The following LGSN variants were observed in gnomAD, a reference collection of about 807,000 sequenced individuals.
The protein encoded by LGSN is lengsin.
In LGSN, 21 loss-of-function variants were observed where a neutral mutation model predicts 19.5. The observed-to-expected ratio is 1.07, with a 90% CI of 0.76 to 1.55. LGSN has a LOEUF of 1.55. Ranked by LOEUF, LGSN falls within the 40% of genes most tolerant of loss-of-function variation. The pLI, the probability that LGSN is intolerant of heterozygous loss-of-function variation, is 0.00. For missense variants in LGSN, 673 were observed against 608.5 expected (o/e 1.11, Z -1.12); for synonymous variants, 257 against 215.6 (o/e 1.19, Z -1.68).
At chr6:63,318,850 C>T (rs775067292) in intron 1 of LGSN, among the ~76,000 whole-genome samples, 3 of 152,120 alleles carry the variant, frequency 2.0e-5, no homozygotes, top group South Asian at 2.1e-4. Context: ...AAATCAAAAT[C>T]CCAAAAAGCT....
At chr6:63,441,406 G>A in the LGSN span, 1 of 463,984 alleles carries the variant, frequency 2.2e-6, no homozygotes, top group Admixed American at 2.5e-5. Context: ...ACCTGAAGTG[G>A]CTGGACCTGA....
intron 3 of LGSN, among the ~76,000 whole-genome samples, chr6:63,283,133 A>T (rs1767383199): frequency 6.6e-6 from 1 of 152,008 alleles, no homozygotes; most frequent in Non-Finnish European, 1.5e-5. Context: ...TTTAATTCAT[A>T]TTTTTTTGAA....
At chr6:63,566,005 T>A in the LGSN span, among the ~76,000 whole-genome samples, 2 of 152,214 alleles carry the variant, frequency 1.3e-5, no homozygotes, top group Admixed American at 6.5e-5. Flanking sequence ...GGTATTACAA[T>A]AAAGGAAGCC....
At chr6:63,365,694 T>C in the LGSN span, among the ~76,000 whole-genome samples, 8 of 152,128 alleles carry the variant, frequency 5.3e-5, no homozygotes, top group African/African-American at 1.9e-4. Flanking sequence ...CTCAATAAAA[T>C]ACTAGCAAAC....
At chr6:63,536,836 A>C in the LGSN span, among the ~76,000 whole-genome samples, 4 of 152,244 alleles carry the variant, frequency 2.6e-5, no homozygotes, top group East Asian at 7.7e-4. Flanking sequence ...CATATTTGAT[A>C]GTCTTAGCAG....
chr6:63,498,710 T>C, the LGSN span, among the ~76,000 whole-genome samples: 10 of 152,116 alleles, frequency 6.6e-5, no homozygotes, highest in African/African-American at 2.2e-4. Flanking sequence ...TACATTGTTC[T>C]GTCGGTGAGA....
chr6:63,473,205 G>A, the LGSN span, among the ~76,000 whole-genome samples: 1 of 151,862 alleles, frequency 6.6e-6, no homozygotes, highest in Admixed American at 6.6e-5. Context: ...AGGCGCAGTG[G>A]CTCACACCTG....
chr6:63,535,538 ATAAC>A, the LGSN span, among the ~76,000 whole-genome samples: 8 of 152,364 alleles, frequency 5.3e-5, no homozygotes, highest in Middle Eastern at 3.4e-3. Flanking sequence ...CATTTATTCT[ATAAC>A]TAAAATTAGT....
At chr6:63,340,118 T>C in the LGSN span, among the ~76,000 whole-genome samples, 1 of 152,290 alleles carries the variant, frequency 6.6e-6, no homozygotes, top group Admixed American at 6.5e-5. Flanking sequence ...GCCTATAAGA[T>C]ATATACTGAG....
chr6:63,477,673 C>T, the LGSN span, among the ~76,000 whole-genome samples: 82 of 62,962 alleles, frequency 1.3e-3, no homozygotes, highest in Middle Eastern at 0.011. Flanking sequence ...TTTTCTTCTT[C>T]TTCTTCTTTT....
chr6:63,552,733 A>G, the LGSN span, among the ~76,000 whole-genome samples: 6 of 152,218 alleles, frequency 3.9e-5, no homozygotes, highest in African/African-American at 1.4e-4. Flanking sequence ...GAAGGGATCC[A>G]GTTTCAGCTT....
At chr6:63,281,273 CG>C (rs551756687) in intron 3 of LGSN, 53 bp from the exon 4 acceptor site, 70 of 1,251,104 alleles carry the variant, frequency 5.6e-5, no homozygotes, top group Middle Eastern at 2.2e-4. Context: ...ACAAAAGGGT[CG>C]GGGGGCGGCG....
At chr6:63,517,821 C>T in the LGSN span, among the ~76,000 whole-genome samples, 3 of 152,130 alleles carry the variant, frequency 2.0e-5, no homozygotes, top group Non-Finnish European at 2.9e-5. Context: ...TCTCTACTAG[C>T]GCAACCCAAT....
At chr6:63,480,986 T>TATATATACATAC in the LGSN span, among the ~76,000 whole-genome samples, 1 of 44,076 alleles carries the variant, frequency 2.3e-5, no homozygotes, top group African/African-American at 4.5e-5. Flanking sequence ...TATATATATA[T>TATATATACATAC]ACACACACAC....
chr6:63,537,311 CTG>C, the LGSN span, among the ~76,000 whole-genome samples: 1 of 152,158 alleles, frequency 6.6e-6, no homozygotes, highest in African/African-American at 2.4e-5. Context: ...GAACCAGAAA[CTG>C]TGCAGTGGAG....
At chr6:63,283,714 T>G (rs1175049528) in intron 3 of LGSN, among the ~76,000 whole-genome samples, 1 of 152,094 alleles carries the variant, frequency 6.6e-6, no homozygotes, top group African/African-American at 2.4e-5. Flanking sequence ...ATTTTTTATT[T>G]TTTGAGATGG....
At chr6:63,325,404 A>G in the LGSN span, among the ~76,000 whole-genome samples, 1 of 152,150 alleles carries the variant, frequency 6.6e-6, no homozygotes, top group Non-Finnish European at 1.5e-5. Context: ...GAAATGGAAA[A>G]GGAGACATAA....
At chr6:63,500,141 C>T in the LGSN span, among the ~76,000 whole-genome samples, 1 of 152,150 alleles carries the variant, frequency 6.6e-6, no homozygotes, top group South Asian at 2.1e-4. Context: ...GTATTGTCTG[C>T]CCAAATTTTT....
At chr6:63,285,018 CAA>C (rs1037603109) in intron 3 of LGSN, among the ~76,000 whole-genome samples, 6 of 152,090 alleles carry the variant, frequency 3.9e-5, no homozygotes, top group Admixed American at 3.9e-4. Context: ...AAACACATGA[CAA>C]AAACTGATAC....
Sources: allele counts gnomAD v4.1 joint callset (sites outside exome capture counted in the v4.1 genomes callset), GRCh38; gene constraint gnomAD v4.1.1; transcripts MANE v1.5; gene names NCBI Gene and HGNC (gene_info 2026-07-23, HGNC 2026-07-21).